The following MTMR10 variants were observed in gnomAD, a reference collection of about 807,000 sequenced individuals.
MTMR10 encodes myotubularin-related protein 10.
In MTMR10, 56 loss-of-function variants were observed where a neutral mutation model predicts 88.1. That is an observed-to-expected ratio of 0.64 (90% confidence interval 0.51 to 0.79). The LOEUF (loss-of-function observed/expected upper bound fraction) is 0.79, where lower values mean the gene tolerates loss of function less well. Ranked by LOEUF, MTMR10 falls within the 30% of genes least tolerant of loss-of-function variation. MTMR10 has a pLI of 0.00. For synonymous variants in MTMR10, 380 were observed against 340.9 expected, an observed-to-expected ratio of 1.11 and a Z score of -1.26; for missense variants, 883 against 924.7, an observed-to-expected ratio of 0.95 and a Z score of 0.58.
At chr15:30,930,059 G>A in the MTMR10 span, among the ~76,000 whole-genome samples, 1 of 142,606 alleles carries the variant, frequency 7.0e-6, no homozygotes, top group Non-Finnish European at 1.5e-5. Context: ...TTATATATAT[G>A]AGAATACCCT....
At position 30,970,775 on chromosome 15, in the gene MTMR10, C is replaced by A. The variant is rs141358927; in HGVS notation, c.475-2765G>T. 1.5e-3 allele frequency among the ~76,000 whole-genome samples: 233 copies of A among 152,058 alleles called. 1 individual carries two copies. The highest frequency in any genetic ancestry group is 0.012 in the South Asian group (57 of 4,806). On this transcript the variant is annotated intron_variant, in intron 5 of 15. Coordinates refer to ENST00000435680, the MANE Select transcript of MTMR10 (RefSeq NM_017762.3). The stretch of plus-strand genomic sequence containing the variant: ...CAACACAGCGTATTTTTTAAAAGCC[C>A]CTTAAAAATAGCACAATATCACATC...
rs1243809885 is a variant in MTMR10, at chr15:30,963,263, A to G, written c.566-2190T>C. On this transcript the variant is annotated intron_variant, in intron 6 of 15. Coordinates refer to ENST00000435680, the MANE Select transcript of MTMR10 (RefSeq NM_017762.3). ...TGCTGCTCTAGATTACGGAGGGGCT[A>G]TGTTAGGAATTTGGACTCCTCTTAA... is the stretch of plus-strand genomic sequence containing the variant. Among the ~76,000 whole-genome samples the G allele has an allele frequency of 2.0e-5, 3 of 152,130 alleles. No homozygotes were observed. In the East Asian group the frequency reaches 5.8e-4, roughly 29 times the overall value.
chr15:30,940,492 G>GTTA lies in MTMR10; in HGVS notation c.*975_*977dup. 1 of 985,462 alleles carries GTTA rather than the reference G, an allele frequency of 1.0e-6. No individual in the cohort carries two copies. The highest frequency in any genetic ancestry group is 1.1e-4 in the East Asian group (1 of 8,822). 61.0% of individuals were successfully genotyped at this position (985,462 alleles called of 1,614,324 possible). Reference sequence around the variant, plus strand: ...AGGTGCCCAACTCGTAACCTCATTAGTTATTTCCAGGGGGAAGTGCCAGCA... The same window carrying GTTA: ...AGGTGCCCAACTCGTAACCTCATTAGTTATTATTTCCAGGGGGAAGTGCCAGCA... On this transcript the variant is annotated 3_prime_UTR_variant, in exon 16 of 16. Transcript: ENST00000435680.
chr15:30,938,183 C>CA (rs202231365), downstream of MTMR10, among the ~76,000 whole-genome samples: 8,379 of 132,756 alleles, frequency 0.063, 346 homozygotes, highest in Admixed American at 0.15. Flanking sequence ...GACTCTGTCT[C>CA]AAAAAAAAAA....
chr15:30,945,983 G>A (rs1384744558), intron 14 of MTMR10, among the ~76,000 whole-genome samples: 2 of 152,186 alleles, frequency 1.3e-5, no homozygotes, highest in African/African-American at 4.8e-5. Context: ...GAGACAGGCT[G>A]ACGGTGTTGA....
chr15:30,935,798 C>G (rs1052102861), downstream of MTMR10, among the ~76,000 whole-genome samples: 1 of 152,134 alleles, frequency 6.6e-6, no homozygotes, highest in Non-Finnish European at 1.5e-5. Flanking sequence ...AAATATTAGT[C>G]TACTGTCTTC....
At chr15:30,937,286 A>C, downstream of MTMR10, 1 of 1,582,700 alleles carries the variant, frequency 6.3e-7, no homozygotes, top group Non-Finnish European at 8.6e-7. Flanking sequence ...ATTTGGTCAT[A>C]CATTAATGTA....
chr15:30,990,012 T>C (rs750938662), intron 2 of MTMR10, among the ~76,000 whole-genome samples: 7 of 152,312 alleles, frequency 4.6e-5, no homozygotes, highest in Non-Finnish European at 1.0e-4. Context: ...CAATATTCTG[T>C]ATGCTCTAAA....
At position 30,971,755 on chromosome 15, in the gene MTMR10, A is replaced by C. The variant is rs143126754; in HGVS notation, c.474+2559T>G. ...CTTCAGTTTTGAGCAAAGGTTCTGC[A>C]AAAGAAAATGGTGGTTCTAAGTTGC... On this transcript the variant is annotated intron_variant, in intron 5 of 15. Transcript: ENST00000435680. Among the ~76,000 whole-genome samples, 234 of 152,284 alleles carry C rather than the reference A, an allele frequency of 1.5e-3. 1 individual carries two copies. The highest frequency in any genetic ancestry group is 0.012 in the South Asian group (58 of 4,832).
the MTMR10 span, chr15:30,929,499 A>C: frequency 2.8e-6 from 2 of 710,132 alleles, no homozygotes; most frequent in Non-Finnish European, 4.6e-6. Context: ...TGTATATGTA[A>C]ATACATGTAT....
chr15:30,952,925 G>A (rs905593174), intron 11 of MTMR10, among the ~76,000 whole-genome samples: 1 of 152,102 alleles, frequency 6.6e-6, no homozygotes, highest in Non-Finnish European at 1.5e-5. Flanking sequence ...GAGTAGCTGG[G>A]ACTACAGGTG....
At chr15:30,962,548 G>A (rs1172187848) in intron 6 of MTMR10, among the ~76,000 whole-genome samples, 7 of 151,618 alleles carry the variant, frequency 4.6e-5, no homozygotes, top group South Asian at 2.1e-4. Flanking sequence ...GATCCCTCAC[G>A]TAACTTATCT....
intron 6 of MTMR10, among the ~76,000 whole-genome samples, chr15:30,967,187 C>T (rs1293883399): frequency 1.3e-5 from 2 of 152,158 alleles, no homozygotes; most frequent in South Asian, 4.1e-4. Context: ...GCTCAGTTAA[C>T]TGACTTGCAG....
chr15:30,969,434 G>A (rs539259138), intron 5 of MTMR10, among the ~76,000 whole-genome samples: 1 of 152,172 alleles, frequency 6.6e-6, no homozygotes, highest in Non-Finnish European at 1.5e-5. Flanking sequence ...CAAAACTACT[G>A]AAATCTGTAG....
intron 2 of MTMR10, among the ~76,000 whole-genome samples, chr15:30,989,009 T>TA (rs1438410646): frequency 6.0e-5 from 9 of 149,158 alleles, no homozygotes; most frequent in Admixed American, 2.7e-4. Context: ...AAAAAAAATT[T>TA]AAAAAAAATT....
chr15:30,982,733 C>T (rs1465427336), intron 2 of MTMR10, among the ~76,000 whole-genome samples: 1 of 152,134 alleles, frequency 6.6e-6, no homozygotes, highest in Non-Finnish European at 1.5e-5. Flanking sequence ...TTTGATAATG[C>T]TAAATTTTGT....
At chr15:30,947,517 T>G (rs2063188420) in intron 13 of MTMR10, among the ~76,000 whole-genome samples, 1 of 152,232 alleles carries the variant, frequency 6.6e-6, no homozygotes, top group Non-Finnish European at 1.5e-5. Flanking sequence ...CCAGTACATG[T>G]AACAAGTTGA....
At chr15:30,937,447 C>CTTTTTTT (rs11317050), downstream of MTMR10, among the ~76,000 whole-genome samples, 1 of 78,978 alleles carries the variant, frequency 1.3e-5, no homozygotes, top group Non-Finnish European at 2.4e-5. Flanking sequence ...GGGTAATAAA[C>CTTTTTTT]TTTTTTTTTT....
chr15:30,930,077 T>C, the MTMR10 span, among the ~76,000 whole-genome samples: 9 of 147,992 alleles, frequency 6.1e-5, no homozygotes, highest in Non-Finnish European at 1.3e-4. Flanking sequence ...CCTATCCCCC[T>C]GGCCCCAATG....
Sources: allele counts gnomAD v4.1 joint callset (sites outside exome capture counted in the v4.1 genomes callset), GRCh38; gene constraint gnomAD v4.1.1; transcripts MANE v1.5; gene names NCBI Gene and HGNC (gene_info 2026-07-23, HGNC 2026-07-21).